SPTBN5: variants seen among roughly 807,000 people sequenced by gnomAD.
SPTBN5 encodes spectrin beta, non-erythrocytic 5.
Under a neutral mutation model 477.6 loss-of-function variants are expected in SPTBN5, and 513 were observed. That is an observed-to-expected ratio of 1.07 (90% CI 1.00 to 1.16). The LOEUF (loss-of-function observed/expected upper bound fraction) is 1.16, where lower values mean the gene tolerates loss of function less well. SPTBN5 is among the 50% of genes most tolerant of loss of function. The pLI, the probability that SPTBN5 is intolerant of heterozygous loss-of-function variation, is 0.00. For synonymous variants in SPTBN5, 2,169 were observed against 2,011.7 expected (o/e 1.08, Z -2.09); for missense variants, 5,062 against 4,731.8 (o/e 1.07, Z -2.05).
Position 41,868,524 on chromosome 15 carries a change from A to G in SPTBN5, c.5931T>C (p.Ser1977=). ...QVEESSQEPS[S]GPLKLSAHQW... Reference sequence around the variant, plus strand: ...GGTGGGCACTGAGCTTCAGCGGGCCACTGCTAGGCTCTTGCGAACTCTCCT... The same window carrying G: ...GGTGGGCACTGAGCTTCAGCGGGCCGCTGCTAGGCTCTTGCGAACTCTCCT... Residue 1977 remains serine, a synonymous_variant, in exon 33 of 68, where the codon AGT becomes AGC. Transcript: ENST00000320955. 3.7e-6 allele frequency: 6 copies of G among 1,609,076 alleles called. No homozygotes were observed. The highest frequency in any genetic ancestry group is 5.1e-6 in the Non-Finnish European group (6 of 1,179,716).
intron 5 of SPTBN5, 149 bp from the exon 6 acceptor site, chr15:41,887,590 A>C (rs1254765847): frequency 2.8e-6 from 2 of 718,402 alleles, no homozygotes; most frequent in African/African-American, 1.8e-5. Flanking sequence ...CTGTTGAAGG[A>C]GGAGGACTCT....
At chr15:41,853,905 C>A in intron 57 of SPTBN5, 118 bp from the exon 58 acceptor site, 1 of 1,428,828 alleles carries the variant, frequency 7.0e-7, no homozygotes, top group Non-Finnish European at 9.3e-7. Context: ...CAAGCTGGGC[C>A]AAGTCCTAGG....
Position 41,856,551 on chromosome 15 carries a change from C to G in SPTBN5, c.8856G>C (p.Val2952=). ...GCACCAGCTTGTACCCAGTGCCCAG[C>G]ACCACCCGGGTCAGAGCCTCGTGGC... The part of the protein sequence containing the change: ...MSSHEALTRV[V]LGTGYKLVQA... Residue 2952 remains valine (V), a synonymous_variant, in exon 53 of 68, where the codon GTG becomes GTC. Transcript: ENST00000320955. 1.2e-6 allele frequency: 2 copies of G among 1,601,714 alleles called. No homozygotes were observed. The highest frequency in any genetic ancestry group is 1.7e-6 in the Non-Finnish European group (2 of 1,176,900).
chr15:41,866,414 G>A lies in SPTBN5; in HGVS notation c.6560C>T (p.Pro2187Leu), dbSNP rs749978712. 4.3e-6 allele frequency: 7 copies of A among 1,611,782 alleles called. No homozygotes were observed. In the African/African-American group the frequency reaches 6.7e-5, roughly 15 times the overall value. ...PPGDLRDKLKPLLKHQAFEAE... is the reference protein window; with the variant it reads ...PPGDLRDKLKLLLKHQAFEAE... ...CTCAAAGGCCTGGTGTTTCAGCAGG[G>A]GCTTCAGCTTATCTCTCAGGTCCCC... The change falls in exon 37 of 68, where the codon CCC (proline) becomes CTC (leucine). Residue 2187 changes from proline (P) to leucine (L), a missense_variant. Pro to Leu is a moderately conservative substitution (Grantham distance 98). Coordinates refer to ENST00000320955, the MANE Select transcript of SPTBN5 (RefSeq NM_016642.4).
chr15:41,874,086 G>C (rs369096533), intron 24 of SPTBN5, 41 bp from the exon 25 acceptor site: 98 of 1,551,268 alleles, frequency 6.3e-5, no homozygotes, highest in African/African-American at 1.8e-4. Context: ...TCTTAACCCA[G>C]GGGCGTCCGG....
chr15:41,877,583 G>A (rs562159723), intron 17 of SPTBN5, among the ~76,000 whole-genome samples: 2 of 152,338 alleles, frequency 1.3e-5, no homozygotes, highest in South Asian at 2.1e-4. Flanking sequence ...GAGGACATGC[G>A]GAGGCAGCAC....
chr15:41,859,545 G>A (rs1287222138), intron 47 of SPTBN5, among the ~76,000 whole-genome samples: 2 of 152,178 alleles, frequency 1.3e-5, no homozygotes, highest in East Asian at 1.9e-4. Context: ...AAGTGAAAAT[G>A]AGGTCATATG....
chr15:41,855,807 G>A, intron 53 of SPTBN5, 62 bp from the exon 54 acceptor site: 2 of 1,448,498 alleles, frequency 1.4e-6, no homozygotes, highest in Middle Eastern at 2.0e-4. Context: ...AGGATTTACA[G>A]CCACGATTCT....
At chr15:41,864,814 C>T (rs1173297674) in intron 39 of SPTBN5, among the ~76,000 whole-genome samples, 1 of 152,234 alleles carries the variant, frequency 6.6e-6, no homozygotes, top group Non-Finnish European at 1.5e-5. Context: ...GGTGTGATTG[C>T]AGATCTCCTG....
chr15:41,855,743 G>A lies in SPTBN5; in HGVS notation c.9024C>T (p.Leu3008=), dbSNP rs762419709. 1.6e-5 allele frequency: 25 copies of A among 1,577,120 alleles called. No individual in the cohort carries two copies. The Admixed American group carries it at 4.4e-4, about 28-fold the overall frequency. ...AQEAQQFLTE[L]LEAGSWLAER... ...CAGCCAGCCAGGATCCCGCCTCCAG[G>A]AGCTGGGGGTGACAGAGTGGAGATC... The change falls in exon 54 of 68, where the codon CTC becomes CTT. Residue 3008 remains leucine (L), a splice_region_variant and synonymous_variant. Transcript: ENST00000320955.
At chr15:41,849,491 G>A (rs2065676384) in intron 67 of SPTBN5, among the ~76,000 whole-genome samples, 1 of 152,140 alleles carries the variant, frequency 6.6e-6, no homozygotes, top group Non-Finnish European at 1.5e-5. Context: ...GAGGAGGGAG[G>A]AAAGTGAGGA....
chr15:41,870,432 C>G lies in SPTBN5; in HGVS notation c.5562+14G>C, dbSNP rs558698612. 2.2e-5 allele frequency: 35 copies of G among 1,612,970 alleles called. No individual in the cohort carries two copies. Among genetic ancestry groups the G allele is most frequent in the Non-Finnish European group, 3.0e-5 (35 of 1,179,358 alleles). ...TGGAGTGTATCCACTTCTAGCCACC[C>G]CTCCGGCTCACACCTGGACCTGGGT... On this transcript the variant is annotated intron_variant, in intron 30 of 67. Coordinates refer to ENST00000320955, the MANE Select transcript of SPTBN5 (RefSeq NM_016642.4).
Position 41,849,922 on chromosome 15 carries a change from G to C in SPTBN5, c.10959C>G (p.Val3653=). The change falls in exon 67 of 68, where the codon GTC becomes GTG. Residue 3653 remains valine (V), a synonymous_variant. Transcript: ENST00000320955. Reference sequence around the variant, plus strand: ...TGGTCGTGCACTCATTCAGAGAGCTGACAGGTTTGGCTTTGAGTTTTGGGC... The same window carrying C: ...TGGTCGTGCACTCATTCAGAGAGCTCACAGGTTTGGCTTTGAGTTTTGGGC... ...SLSPKLKAKP[V]SSLNECTTKD... 6.3e-7 allele frequency: 1 copy of C among 1,597,374 alleles called. No homozygotes were observed. Among genetic ancestry groups the C allele is most frequent in the Non-Finnish European group, 8.5e-7 (1 of 1,171,782 alleles).
intron 6 of SPTBN5, 133 bp from the exon 7 acceptor site, chr15:41,886,499 A>G: frequency 1.9e-6 from 2 of 1,030,490 alleles, no homozygotes; most frequent in Non-Finnish European, 2.7e-6. Flanking sequence ...AAGTGGTGGT[A>G]CCCCCACCCC....
In SPTBN5 at chr15:41,869,471, C is replaced by T. The variant is rs1214155289; in HGVS notation, c.5853+370G>A. Among the ~76,000 whole-genome samples, 8 of 152,346 alleles carry T rather than the reference C, an allele frequency of 5.3e-5. No homozygotes were observed. In the East Asian group the frequency reaches 5.8e-4, roughly 11 times the overall value. On this transcript the variant is annotated intron_variant, in intron 32 of 67. Transcript: ENST00000320955. ...TCTATATTGCCCTCCTCTCTCCACC[C>T]GTGGCTTCAGCAGGGAGCTGAAGAC...
chr15:41,860,603 G>T lies in SPTBN5; in HGVS notation c.7971C>A (p.Cys2657Ter). 1 of 1,470,526 alleles carries T rather than the reference G, an allele frequency of 6.8e-7. No homozygotes were observed. Among genetic ancestry groups the T allele is most frequent in the South Asian group, 1.4e-5 (1 of 71,422 alleles). The allele number at this position is 1,470,526 out of a possible 1,614,324, so 91.1% of individuals were successfully genotyped here. A position where few individuals can be genotyped will look rare whatever the true frequency, so the allele number is the denominator to read the frequency against. ...ACCACTACCTCAGAAGCATGGCCTG[G>T]CACCTGCCCAGGGCACTCTGGGCCT... Reference protein sequence around the residue: ...HPEAQSALGRCQAMLLRKEAL... With the variant: ...HPEAQSALGR The change falls in exon 47 of 68, where the codon TGC (cysteine) becomes TGA (stop). Residue 2657 changes from cysteine to a stop codon, truncating the protein, a stop_gained. Transcript: ENST00000320955. LOFTEE classifies it high-confidence loss of function.
intron 49 of SPTBN5, among the ~76,000 whole-genome samples, chr15:41,858,323 G>A (rs1040262093): frequency 2.0e-5 from 3 of 152,142 alleles, no homozygotes; most frequent in Non-Finnish European, 2.9e-5. Flanking sequence ...TGACTCCTTC[G>A]CTCACAGGAC....
Position 41,855,407 on chromosome 15 carries a change from C to T in SPTBN5, c.9240G>A (p.Leu3080=). 1 of 1,604,156 alleles carries T rather than the reference C, an allele frequency of 6.2e-7. No homozygotes were observed. Among genetic ancestry groups the T allele is most frequent in the Non-Finnish European group, 8.5e-7 (1 of 1,178,564 alleles). Residue 3080 remains leucine, a synonymous_variant, in exon 55 of 68, where the codon CTG becomes CTA. Coordinates refer to ENST00000320955, the MANE Select transcript of SPTBN5 (RefSeq NM_016642.4). ...CTGCGTGGGCCTCCCGAACTGCCTG[C>T]AGCTGGGCTAGCACCTTGGGGCTGT... ...NPESPKVLAQ[L]QAVREAHAEL...
rs1018107011 is a variant in SPTBN5, at chr15:41,865,921, G to T, written c.6823-18C>A. On this transcript the variant is annotated intron_variant, in intron 38 of 67. Coordinates refer to ENST00000320955, the MANE Select transcript of SPTBN5 (RefSeq NM_016642.4). ...TTCACCTCCTGTGAAGGCCGAGGGT[G>T]GGGAGGGAGCGCTGTGAGCACCAGC... 2 of 1,559,136 alleles carry T rather than the reference G, an allele frequency of 1.3e-6. No homozygotes were observed. Among genetic ancestry groups the T allele is most frequent in the Admixed American group, 1.9e-5 (1 of 52,204 alleles).
Sources: gnomAD v4.1 joint callset for allele counts (sites outside exome capture counted in the v4.1 genomes callset) on GRCh38, gnomAD v4.1.1 for gene constraint, MANE v1.5 for transcripts, NCBI Gene and HGNC (gene_info 2026-07-23, HGNC 2026-07-21) for gene names.